Variants in ZNF469 observed in about 807,000 individuals in gnomAD.
The protein encoded by ZNF469 is zinc finger protein 469.
ZNF469 carries 1 observed loss-of-function variant against 1.0 expected under a neutral mutation model. The ratio of observed to expected loss-of-function variants is 1.00; its 90% CI spans 0.35 to 4.73. ZNF469 has a LOEUF of 4.73. Among genes scored for constraint, ZNF469 ranks in the 30% most tolerant of loss-of-function variants. The pLI is 0.16. For missense variants in ZNF469, 6,100 were observed against 5,356.3 expected (o/e 1.14, Z -4.33); for synonymous variants, 2,703 against 2,363.4 (o/e 1.14, Z -4.17).
the ZNF469 span, among the ~76,000 whole-genome samples, chr16:88,299,520 C>G: frequency 6.6e-6 from 1 of 152,188 alleles, no homozygotes; most frequent in African/African-American, 2.4e-5. Flanking sequence ...CTTTGATGAT[C>G]TAACAAGGGC....
At chr16:88,247,670 A>G in the ZNF469 span, among the ~76,000 whole-genome samples, 1 of 148,742 alleles carries the variant, frequency 6.7e-6, no homozygotes, top group Non-Finnish European at 1.5e-5. Flanking sequence ...GAATGAGTGA[A>G]TCGTGAATGA....
the ZNF469 span, among the ~76,000 whole-genome samples, chr16:88,328,801 C>T: frequency 6.6e-6 from 1 of 152,182 alleles, no homozygotes; most frequent in African/African-American, 2.4e-5. Context: ...CAGTGAGCAC[C>T]ACACAGGAAC....
the ZNF469 span, among the ~76,000 whole-genome samples, chr16:88,331,784 ATCATCACCACCATCATCATTC>A: frequency 6.6e-6 from 1 of 151,998 alleles, no homozygotes; most frequent in East Asian, 1.9e-4. Context: ...CACCGCCATC[ATCATCACCACCATCATCATTC>A]TCATCACCAC....
chr16:88,280,198 T>C, the ZNF469 span, among the ~76,000 whole-genome samples: 1 of 149,856 alleles, frequency 6.7e-6, no homozygotes, highest in Non-Finnish European at 1.5e-5. Flanking sequence ...TGGTCAGTAC[T>C]GTGTAGACAT....
chr16:88,187,336 A>G, the ZNF469 span, among the ~76,000 whole-genome samples: 1,930 of 152,346 alleles, frequency 0.013, 53 homozygotes, highest in African/African-American at 0.044. Flanking sequence ...CTTCAGTTTC[A>G]TGGTCAGCAT....
intron 1 of ZNF469, among the ~76,000 whole-genome samples, chr16:88,396,810 AGGCAGAGACCTGTCTGAAGGGAAGCCT>A (rs1904686022): frequency 7.4e-6 from 1 of 135,630 alleles, no homozygotes; most frequent in Non-Finnish European, 1.6e-5. Context: ...AAGGGAGGCC[AGGCAGAGACCTGTCTGAAGGGAAGCCT>A]GGAGGAGACC....
chr16:88,173,919 A>G, the ZNF469 span, among the ~76,000 whole-genome samples: 721 of 152,352 alleles, frequency 4.7e-3, 2 homozygotes, highest in Non-Finnish European at 8.4e-3. Flanking sequence ...GAAGGCATGA[A>G]AAAAGGAAAG....
the ZNF469 span, among the ~76,000 whole-genome samples, chr16:88,363,428 C>T: frequency 6.6e-6 from 1 of 152,228 alleles, no homozygotes; most frequent in African/African-American, 2.4e-5. Context: ...ACTCTGTCTC[C>T]TCTGTTGTGG....
rs1378126164 is a variant in ZNF469 at position 88,427,943 on chromosome 16, C to G, written c.473C>G (p.Thr158Ser). Residue 158 changes from threonine (T) to serine (S), a missense_variant, in exon 3 of 3, where the codon ACT becomes AGT. Physicochemically the swap from Thr to Ser is moderately conservative, Grantham distance 58. Coordinates refer to ENST00000565624, the MANE Select transcript of ZNF469 (RefSeq NM_001367624.2). ...PEVDTPQGPG[T>S]GAPLRPGLPR... ...GTGGACACCCCCCAGGGCCCTGGGA[C>G]TGGAGCTCCACTCAGGCCGGGCCTC... 6.5e-7 allele frequency: 1 copy of G among 1,549,972 alleles called. No homozygotes were observed. Among genetic ancestry groups the G allele is most frequent in the Admixed American group, 2.0e-5 (1 of 50,994 alleles).
the ZNF469 span, among the ~76,000 whole-genome samples, chr16:88,260,931 G>A: frequency 6.6e-6 from 1 of 152,164 alleles, no homozygotes; most frequent in Non-Finnish European, 1.5e-5. The surrounding 1 kb of genome is among the most constrained non-coding windows in gnomAD (Gnocchi z 4.1). Flanking sequence ...GGCCACGGAC[G>A]CAGACTCTGG....
the ZNF469 span, among the ~76,000 whole-genome samples, chr16:88,319,697 G>T: frequency 6.6e-6 from 1 of 152,292 alleles, no homozygotes; most frequent in East Asian, 1.9e-4. Flanking sequence ...CAAACTCGAC[G>T]CCTTGGGTTT....
chr16:88,225,048 GT>G, the ZNF469 span, among the ~76,000 whole-genome samples: 1 of 152,182 alleles, frequency 6.6e-6, no homozygotes, highest in Non-Finnish European at 1.5e-5. Context: ...GCTCCCCACT[GT>G]ACATCCTCCT....
the ZNF469 span, among the ~76,000 whole-genome samples, chr16:88,309,132 A>C: frequency 6.6e-6 from 1 of 152,286 alleles, no homozygotes; most frequent in African/African-American, 2.4e-5. Context: ...TGAGTCTCTC[A>C]TACCTGATCC....
chr16:88,128,207 C>A, the ZNF469 span, among the ~76,000 whole-genome samples: 1 of 151,276 alleles, frequency 6.6e-6, no homozygotes, highest in African/African-American at 2.4e-5. Context: ...CTCTCGAGGC[C>A]AAGGGTTGAG....
Position 88,428,131 on chromosome 16 carries a change from C to G in ZNF469, c.661C>G (p.Pro221Ala). The change falls in exon 3 of 3, where the codon CCC (proline) becomes GCC (alanine). Residue 221 changes from proline to alanine, a missense_variant. By Grantham distance (27) the Pro-to-Ala change is conservative (BLOSUM62 -1). Transcript: ENST00000565624. ...GAGCAGGGGCACCAGCCCCCTCCAG[C>G]CCGGTTCCTATCCCGAATACCAGGC... ...PQSRGTSPLQ[P>A]GSYPEYQASG... is the part of the protein sequence containing the mutation. 1.9e-6 allele frequency: 3 copies of G among 1,550,070 alleles called. No homozygotes were observed. The highest frequency in any genetic ancestry group is 2.6e-6 in the Non-Finnish European group (3 of 1,146,866).
chr16:88,257,695 C>T, the ZNF469 span, among the ~76,000 whole-genome samples: 1 of 152,010 alleles, frequency 6.6e-6, no homozygotes, highest in Non-Finnish European at 1.5e-5. Context: ...TGTGAAGGTC[C>T]ATGTCTAGAT....
chr16:88,103,590 G>A, the ZNF469 span, among the ~76,000 whole-genome samples: 1 of 152,202 alleles, frequency 6.6e-6, no homozygotes, highest in Non-Finnish European at 1.5e-5. Context: ...GGAGAGTAGG[G>A]GTTCCTAGTT....
chr16:88,305,712 T>G, the ZNF469 span, among the ~76,000 whole-genome samples: 2 of 151,966 alleles, frequency 1.3e-5, no homozygotes, highest in African/African-American at 4.8e-5. Flanking sequence ...ACATGCATAC[T>G]CTCATACCTG....
At chr16:88,327,597 G>T in the ZNF469 span, among the ~76,000 whole-genome samples, 2 of 152,114 alleles carry the variant, frequency 1.3e-5, no homozygotes. Flanking sequence ...ACCGGCAGCA[G>T]GACAGGGCAC....
Sources: allele counts gnomAD v4.1 joint callset (sites outside exome capture counted in the v4.1 genomes callset), GRCh38; gene constraint gnomAD v4.1.1; non-coding constraint Gnocchi (gnomAD v3.1); transcripts MANE v1.5; gene names NCBI Gene and HGNC (gene_info 2026-07-23, HGNC 2026-07-21).